The following PRKCE variants were observed in gnomAD, a reference collection of about 807,000 sequenced individuals.
PRKCE encodes the protein protein kinase C epsilon.
A neutral mutation model predicts 85.4 loss-of-function variants in PRKCE; 16 were observed. That is an observed-to-expected ratio of 0.19 (90% CI 0.13 to 0.28). The LOEUF (loss-of-function observed/expected upper bound fraction) is 0.28. Ranked by LOEUF, PRKCE falls within the 10% of genes least tolerant of loss-of-function variation. The pLI, the probability that PRKCE is intolerant of heterozygous loss-of-function variation, is 1.00. For missense variants in PRKCE, 573 were observed against 975.2 expected (o/e 0.59, Z 5.49); for synonymous variants, 388 against 371.5 (o/e 1.04, Z -0.51).
chr2:46,033,162 G>T (rs905260845), intron 10 of PRKCE, among the ~76,000 whole-genome samples: 1 of 152,218 alleles, frequency 6.6e-6, no homozygotes, highest in Non-Finnish European at 1.5e-5. Context: ...TTAGAGAGGA[G>T]AAAAGGTGAA....
intron 2 of PRKCE, among the ~76,000 whole-genome samples, chr2:45,863,750 CT>C (rs953421348): frequency 1.3e-5 from 2 of 151,758 alleles, no homozygotes; most frequent in African/African-American, 4.8e-5. Context: ...AGAGATGGCT[CT>C]TTTTTGCTAG....
chr2:45,804,194 C>T (rs1193097469), intron 1 of PRKCE, among the ~76,000 whole-genome samples: 1 of 152,156 alleles, frequency 6.6e-6, no homozygotes, highest in African/African-American at 2.4e-5. Context: ...GGGAGCAAAC[C>T]CAATGCTGCG....
At chr2:45,782,717 C>A (rs1450497860) in intron 1 of PRKCE, among the ~76,000 whole-genome samples, 1 of 151,950 alleles carries the variant, frequency 6.6e-6, no homozygotes, top group Non-Finnish European at 1.5e-5. Flanking sequence ...AGATAATCAA[C>A]CCTCTGTCAA....
chr2:46,037,460 A>C (rs1707938655), intron 10 of PRKCE, among the ~76,000 whole-genome samples: 1 of 152,216 alleles, frequency 6.6e-6, no homozygotes, highest in Admixed American at 6.5e-5. Context: ...TGCTAATGCC[A>C]TTTGGTTTAG....
chr2:45,841,074 T>A (rs1691306838), intron 1 of PRKCE, among the ~76,000 whole-genome samples: 1 of 152,134 alleles, frequency 6.6e-6, no homozygotes, highest in South Asian at 2.1e-4. Flanking sequence ...GAACTAGGGA[T>A]GCAAATCTGG....
intron 1 of PRKCE, among the ~76,000 whole-genome samples, chr2:45,741,601 C>T (rs73926045): frequency 0.04 from 6,143 of 152,252 alleles, 401 homozygotes; most frequent in African/African-American, 0.14. Flanking sequence ...GAGCCTTTGC[C>T]GGCTCAGCCT....
At chr2:45,673,007 G>A (rs1486715897) in intron 1 of PRKCE, among the ~76,000 whole-genome samples, 1 of 152,160 alleles carries the variant, frequency 6.6e-6, no homozygotes, top group Non-Finnish European at 1.5e-5. Context: ...AGCCTGGGCA[G>A]CAGAGCAACA....
At chr2:46,036,818 G>A (rs1286842469) in intron 10 of PRKCE, among the ~76,000 whole-genome samples, 1 of 152,186 alleles carries the variant, frequency 6.6e-6, no homozygotes, top group Non-Finnish European at 1.5e-5. Flanking sequence ...AACCTCAGTG[G>A]AGAGTTTGTG....
Position 46,105,430 on chromosome 2 carries a change from C to G in PRKCE, c.1592+19068C>G, listed in dbSNP as rs1390907858. On this transcript the variant is annotated intron_variant, in intron 11 of 14. Transcript: ENST00000306156. ...TGGCATAGCTGCAACAACAACTTCA[C>G]AAATTATCTTTATCTTTCCTTTTTT... Among the ~76,000 whole-genome samples, 4 of 144,352 alleles carry G rather than the reference C, an allele frequency of 2.8e-5. No homozygotes were observed. The East Asian group carries it at 6.4e-4, about 23-fold the overall frequency. The allele number at this position is 144,352 out of a possible 152,430, so 94.7% of individuals were successfully genotyped here. A position where few individuals can be genotyped will look rare whatever the true frequency, so the allele number is the denominator to read the frequency against.
chr2:45,731,995 C>A (rs1681619443), intron 1 of PRKCE, among the ~76,000 whole-genome samples: 1 of 152,208 alleles, frequency 6.6e-6, no homozygotes, highest in African/African-American at 2.4e-5. Flanking sequence ...TCCATTTTCA[C>A]TGTCAGCCAC....
At chr2:46,149,292 G>A (rs991544935) in intron 12 of PRKCE, among the ~76,000 whole-genome samples, 1 of 152,238 alleles carries the variant, frequency 6.6e-6, no homozygotes, top group East Asian at 1.9e-4. Flanking sequence ...GGAATGACTA[G>A]GCATGAACTT....
chr2:45,724,580 C>T (rs1309745448), intron 1 of PRKCE, among the ~76,000 whole-genome samples: 2 of 152,208 alleles, frequency 1.3e-5, no homozygotes, highest in Non-Finnish European at 1.5e-5. Context: ...AGGCCTCTTG[C>T]ACCAGACGGC....
At chr2:45,735,787 T>C (rs1252355794) in intron 1 of PRKCE, among the ~76,000 whole-genome samples, 1 of 152,164 alleles carries the variant, frequency 6.6e-6, no homozygotes, top group Non-Finnish European at 1.5e-5. Flanking sequence ...CTGGGGAACA[T>C]AGACGCCAGG....
intron 11 of PRKCE, among the ~76,000 whole-genome samples, chr2:46,115,548 C>G (rs141001932): frequency 6.6e-6 from 1 of 152,292 alleles, no homozygotes; most frequent in Admixed American, 6.5e-5. Context: ...AGTGGGGAAG[C>G]CTTTATCATC....
rs1002254630 is a variant in PRKCE, at chr2:46,186,275, A to G, written c.*1394A>G. 8 of 152,630 alleles carry G rather than the reference A, an allele frequency of 5.2e-5. No individual in the cohort carries two copies. The highest frequency in any genetic ancestry group is 8.8e-5 in the Non-Finnish European group (6 of 68,042). 9.5% of individuals were successfully genotyped at this position (152,630 alleles called of 1,614,324 possible). Reference sequence around the variant, plus strand: ...CTGAACTGATTTAGCAGGGAATGGAATCCATTCCAACTATTGCACGTGGAT... The same window carrying G: ...CTGAACTGATTTAGCAGGGAATGGAGTCCATTCCAACTATTGCACGTGGAT... On this transcript the variant is annotated 3_prime_UTR_variant, in exon 15 of 15. Coordinates refer to ENST00000306156, the MANE Select transcript of PRKCE (RefSeq NM_005400.3).
At chr2:46,063,380 C>CTT (rs1667333113) in intron 10 of PRKCE, among the ~76,000 whole-genome samples, 4 of 148,986 alleles carry the variant, frequency 2.7e-5, no homozygotes, top group African/African-American at 9.8e-5. Context: ...GCGGAGCTGT[C>CTT]TTTTCTTTTA....
intron 2 of PRKCE, among the ~76,000 whole-genome samples, chr2:45,975,316 G>C (rs1273835796): frequency 1.3e-5 from 2 of 152,180 alleles, no homozygotes; most frequent in African/African-American, 4.8e-5. Flanking sequence ...AATCAGCTCA[G>C]ACTGCAATAA....
At chr2:45,674,616 C>T (rs585156) in intron 1 of PRKCE, 98,682 of 152,090 alleles carry the variant, frequency 0.65, 32,228 homozygotes, top group Middle Eastern at 0.73. Context: ...ATTAGTGCTT[C>T]TCCACTTTAA....
intron 1 of PRKCE, among the ~76,000 whole-genome samples, chr2:45,754,489 A>G (rs1683843073): frequency 6.6e-6 from 1 of 152,110 alleles, no homozygotes; most frequent in Non-Finnish European, 1.5e-5. Context: ...TTTTGTTAAT[A>G]ATCCAGCCTT....
Sources: gnomAD v4.1 joint callset for allele counts (sites outside exome capture counted in the v4.1 genomes callset) on GRCh38, gnomAD v4.1.1 for gene constraint, MANE v1.5 for transcripts, NCBI Gene and HGNC (gene_info 2026-07-23, HGNC 2026-07-21) for gene names.